TRPM2: variants seen among roughly 807,000 people sequenced by gnomAD.
The protein encoded by TRPM2 is estrogen-responsive element-associated gene 1 protein.
TRPM2 carries 161 observed loss-of-function variants against 174.0 expected under a neutral mutation model. The observed-to-expected ratio is 0.93, with a 90% CI of 0.81 to 1.05. The LOEUF (loss-of-function observed/expected upper bound fraction) is 1.05, where lower values mean the gene tolerates loss of function less well. TRPM2 is among the 50% of genes least tolerant of loss of function. The probability of loss-of-function intolerance (pLI) is 0.00; values close to 1 mark genes in which losing one functional copy is unlikely to be tolerated. For synonymous variants in TRPM2, 954 were observed against 861.3 expected (o/e 1.11, Z -1.88); for missense variants, 2,057 against 2,038.0 (o/e 1.01, Z -0.18).
In TRPM2 at chr21:44,364,100, C is replaced by T. The variant is rs770586155; in HGVS notation, c.255-14C>T. On this transcript the variant is annotated splice_polypyrimidine_tract_variant and intron_variant, in intron 2 of 31. Transcript: ENST00000397928. ...CACCACACTCCCTGGGTGACTGGTG[C>T]TGTGTCTTTGCAGGAAGGTGGTGTG... 12 of 1,611,594 alleles carry T rather than the reference C, an allele frequency of 7.4e-6. No individual in the cohort carries two copies. Among genetic ancestry groups the T allele is most frequent in the East Asian group, 2.2e-5 (1 of 44,870 alleles).
Position 44,363,590 on chromosome 21 carries a change from T to C in TRPM2, c.255-524T>C, listed in dbSNP as rs527408712. Among the ~76,000 whole-genome samples the C allele has an allele frequency of 1.8e-4, 27 of 152,380 alleles. No homozygotes were observed. In the South Asian group the frequency reaches 5.2e-3, roughly 29 times the overall value. On this transcript the variant is annotated intron_variant, in intron 2 of 31. Coordinates refer to ENST00000397928, the MANE Select transcript of TRPM2 (RefSeq NM_003307.4). ...CATTTGTTTTGAGCATGTTCATGATTGCTTGTTGAAGCATTTCTAATGTGG... is the reference window on the plus strand; with the variant it reads ...CATTTGTTTTGAGCATGTTCATGATCGCTTGTTGAAGCATTTCTAATGTGG...
At chr21:44,362,261 T>C (rs7278742) in intron 2 of TRPM2, among the ~76,000 whole-genome samples, 32,508 of 150,650 alleles carry the variant, frequency 0.22, 3,682 homozygotes, top group South Asian at 0.3. Context: ...TCCCAGCACT[T>C]TGGGAAGCTG....
intron 2 of TRPM2, among the ~76,000 whole-genome samples, chr21:44,363,448 C>T (rs1244309404): frequency 6.6e-6 from 1 of 152,076 alleles, no homozygotes; most frequent in African/African-American, 2.4e-5. Flanking sequence ...CCTCTGTCTC[C>T]TCCATCCTGC....
intron 5 of TRPM2, among the ~76,000 whole-genome samples, chr21:44,370,346 C>T (rs1375490040): frequency 3.9e-5 from 6 of 152,196 alleles, no homozygotes; most frequent in Non-Finnish European, 7.4e-5. Flanking sequence ...CACCCACCCC[C>T]AGCTTCTCCG....
Position 44,410,773 on chromosome 21 carries a change from A to G in TRPM2, c.2963-3118A>G, listed in dbSNP as rs1215720770. On this transcript the variant is annotated intron_variant, in intron 19 of 31. Coordinates refer to ENST00000397928, the MANE Select transcript of TRPM2 (RefSeq NM_003307.4). ...CGTAGCCTTGTAGTAAGTTTTGACC[A>G]CACTGTCTTGGTGAGCGTAGCCTTG... Among the ~76,000 whole-genome samples the G allele has an allele frequency of 4.9e-4, 19 of 38,466 alleles. 2 individuals carry two copies. Among genetic ancestry groups the G allele is most frequent in the Middle Eastern group, 0.025 (1 of 40 alleles). The allele number at this position is 38,466 out of a possible 152,430, so 25.2% of individuals were successfully genotyped here. A position where few individuals can be genotyped will look rare whatever the true frequency, so the allele number is the denominator to read the frequency against.
At chr21:44,392,911 G>T (rs2049228487) in intron 11 of TRPM2, among the ~76,000 whole-genome samples, 1 of 152,120 alleles carries the variant, frequency 6.6e-6, no homozygotes. Context: ...TGGGAGAGTG[G>T]ATGCTGTAGT....
rs941653886 is a variant in TRPM2 at position 44,419,980 on chromosome 21, G to A, written c.3461+1425G>A. On this transcript the variant is annotated intron_variant, in intron 22 of 31. Coordinates refer to ENST00000397928, the MANE Select transcript of TRPM2 (RefSeq NM_003307.4). Reference sequence around the variant, plus strand: ...TGACGATGGTGGATGTGGTGGTGGTGATGATAGTGATGATGGTGATTATGA... The same window carrying A: ...TGACGATGGTGGATGTGGTGGTGGTAATGATAGTGATGATGGTGATTATGA... Among the ~76,000 whole-genome samples the A allele has an allele frequency of 1.2e-3, 178 of 152,160 alleles. 1 individual carries two copies. Among genetic ancestry groups the A allele is most frequent in the Non-Finnish European group, 1.4e-3 (95 of 67,990 alleles).
chr21:44,426,538 C>G, intron 25 of TRPM2, 122 bp from the exon 26 acceptor site: 1 of 1,017,238 alleles, frequency 9.8e-7, no homozygotes, highest in Non-Finnish European at 1.5e-6. Context: ...GAGCTTCTGC[C>G]CTGCATGTTG....
intron 5 of TRPM2, among the ~76,000 whole-genome samples, chr21:44,370,161 C>T (rs1316302417): frequency 3.3e-5 from 5 of 152,080 alleles, no homozygotes; most frequent in African/African-American, 1.2e-4. Context: ...GACAGTCACT[C>T]GCTGCGAGGG....
chr21:44,362,897 C>T (rs2048257227), intron 2 of TRPM2, among the ~76,000 whole-genome samples: 1 of 152,106 alleles, frequency 6.6e-6, no homozygotes, highest in Non-Finnish European at 1.5e-5. Flanking sequence ...CCTCAGCGTC[C>T]CGAGTGGCTG....
chr21:44,355,834 G>A (rs1029735065), intron 2 of TRPM2, among the ~76,000 whole-genome samples: 3 of 150,816 alleles, frequency 2.0e-5, no homozygotes, highest in African/African-American at 4.9e-5. Context: ...CTGTCCCTCC[G>A]CATCCCTGGG....
In TRPM2 at chr21:44,426,783, G is replaced by A. The variant is rs546498851; in HGVS notation, c.3872+47G>A. 2.6e-5 allele frequency: 41 copies of A among 1,601,170 alleles called. No homozygotes were observed. In the South Asian group the frequency reaches 4.2e-4, roughly 16 times the overall value. ...TGCTCCCAGCTGGCCCCAAACCCAG[G>A]GCCTCCTAGGGGCTCCCTTGAGAAT... On this transcript the variant is annotated intron_variant, in intron 26 of 31. Coordinates refer to ENST00000397928, the MANE Select transcript of TRPM2 (RefSeq NM_003307.4).
intron 9 of TRPM2, among the ~76,000 whole-genome samples, chr21:44,384,831 AG>A (rs1242606274): frequency 6.6e-6 from 1 of 152,228 alleles, no homozygotes; most frequent in Non-Finnish European, 1.5e-5. Context: ...TAAAAGTTTT[AG>A]GGCTGATAGC....
intron 9 of TRPM2, among the ~76,000 whole-genome samples, chr21:44,387,662 G>C (rs2049051396): frequency 6.6e-6 from 1 of 152,008 alleles, no homozygotes; most frequent in East Asian, 1.9e-4. Flanking sequence ...GTAAGGGATT[G>C]GTATCCAGAA....
At chr21:44,403,683 A>G (rs1452365085) in intron 16 of TRPM2, among the ~76,000 whole-genome samples, 5 of 151,688 alleles carry the variant, frequency 3.3e-5, no homozygotes, top group South Asian at 2.1e-4. Context: ...ATGCATACAC[A>G]TACATGCACA....
intron 9 of TRPM2, 119 bp from the exon 10 acceptor site, chr21:44,390,785 A>G: frequency 7.1e-7 from 1 of 1,400,166 alleles, no homozygotes; most frequent in Non-Finnish European, 9.9e-7. Flanking sequence ...TGCGCCTGTC[A>G]CTTTGAATTG....
intron 24 of TRPM2, chr21:44,425,469 C>G: frequency 1.9e-6 from 1 of 525,898 alleles, no homozygotes; most frequent in Non-Finnish European, 3.2e-6. Flanking sequence ...GGCGGGGACG[C>G]TGCCTGAGCT....
chr21:44,421,339 C>G lies in TRPM2; in HGVS notation c.3462-2306C>G, dbSNP rs114136220. On this transcript the variant is annotated intron_variant, in intron 22 of 31. Coordinates refer to ENST00000397928, the MANE Select transcript of TRPM2 (RefSeq NM_003307.4). ...CCTAAAAAAAAAAAAAATTTAGTCC[C>G]AAATGCCTCTCAGCTCCTGCCCTAT... 4.4e-3 allele frequency among the ~76,000 whole-genome samples: 662 copies of G among 152,070 alleles called. 3 individuals are homozygous for G. The highest frequency in any genetic ancestry group is 0.015 in the African/African-American group (642 of 41,468).
chr21:44,350,170 G>T (rs2122995271), upstream of TRPM2: 1 of 152,176 alleles, frequency 6.6e-6, no homozygotes, highest in Non-Finnish European at 1.5e-5. Context: ...CACTGCACCG[G>T]GCACGCGGCG....
Sources: allele counts gnomAD v4.1 joint callset (sites outside exome capture counted in the v4.1 genomes callset), GRCh38; gene constraint gnomAD v4.1.1; transcripts MANE v1.5; gene names NCBI Gene and HGNC (gene_info 2026-07-23, HGNC 2026-07-21).